DCLK1: variants seen among roughly 807,000 people sequenced by gnomAD.
DCLK1 encodes doublecortin like kinase 1.
Under a neutral mutation model 86.2 loss-of-function variants are expected in DCLK1, and 16 were observed. The ratio of observed to expected loss-of-function variants is 0.19; its 90% CI spans 0.13 to 0.28. The LOEUF is 0.28. DCLK1 is among the 10% of genes least tolerant of loss of function. The pLI is 1.00. For synonymous variants in DCLK1, 369 were observed against 370.5 expected (o/e 1.00, Z 0.05); for missense variants, 590 against 940.2 (o/e 0.63, Z 4.87).
At chr13:36,081,736 T>C (rs139123292) in intron 3 of DCLK1, among the ~76,000 whole-genome samples, 79 of 152,316 alleles carry the variant, frequency 5.2e-4, no homozygotes, top group Admixed American at 9.8e-4. Context: ...ATTGCTTGAA[T>C]ATGCTCTCTA....
intron 4 of DCLK1, among the ~76,000 whole-genome samples, chr13:35,906,101 T>C (rs1874675932): frequency 6.6e-6 from 1 of 152,210 alleles, no homozygotes; most frequent in Non-Finnish European, 1.5e-5. Context: ...CCCACATTGC[T>C]AGCTTCCAGG....
At chr13:35,918,724 TA>T (rs1380129006) in intron 4 of DCLK1, among the ~76,000 whole-genome samples, 1 of 152,102 alleles carries the variant, frequency 6.6e-6, no homozygotes, top group Non-Finnish European at 1.5e-5. Flanking sequence ...AAATGGGCAC[TA>T]ATCATGACTG....
chr13:35,947,323 A>G (rs1936003), intron 4 of DCLK1, 35 bp downstream of exon 4: 998,929 of 1,588,146 alleles, frequency 0.63, 324,889 homozygotes, highest in Non-Finnish European at 0.66. Flanking sequence ...AGCTGCCTCA[A>G]ATTTCCCCTG....
At chr13:35,805,519 G>A in intron 15 of DCLK1, 180 bp downstream of exon 15, 2 of 536,862 alleles carry the variant, frequency 3.7e-6, no homozygotes, top group South Asian at 6.2e-5. Flanking sequence ...AGCTGTCCTC[G>A]AACTCCTGAG....
rs145153623 is a variant in DCLK1 at position 35,816,943 on chromosome 13, G to A, written c.1554+5786C>T. Among the ~76,000 whole-genome samples the A allele has an allele frequency of 2.6e-3, 391 of 152,234 alleles. 9 individuals carry two copies. The highest frequency in any genetic ancestry group is 0.014 in the Admixed American group (207 of 15,284). ...TCACAAGGCACACATGTTATTGAAG[G>A]TTTTGGTTATATATTACCAAATTGC... On this transcript the variant is annotated intron_variant, in intron 11 of 16. Coordinates refer to ENST00000360631, the MANE Select transcript of DCLK1 (RefSeq NM_001330071.2).
intron 4 of DCLK1, among the ~76,000 whole-genome samples, chr13:35,917,954 C>G (rs1014274195): frequency 6.6e-6 from 1 of 152,150 alleles, no homozygotes; most frequent in African/African-American, 2.4e-5. Context: ...GAGCCGCCAG[C>G]TCATGCCCCT....
intron 16 of DCLK1, among the ~76,000 whole-genome samples, chr13:35,789,232 T>C (rs931640148): frequency 6.6e-6 from 1 of 152,164 alleles, no homozygotes; most frequent in Non-Finnish European, 1.5e-5. Flanking sequence ...GCGTTACTGG[T>C]ATGATGCTGA....
At chr13:35,775,542 T>A (rs1412278451) in intron 16 of DCLK1, among the ~76,000 whole-genome samples, 1 of 152,086 alleles carries the variant, frequency 6.6e-6, no homozygotes, top group Admixed American at 6.6e-5. Context: ...CATCACAGAT[T>A]TAATGGGTGT....
intron 3 of DCLK1, among the ~76,000 whole-genome samples, chr13:36,077,952 A>G (rs1448047333): frequency 6.6e-6 from 1 of 152,180 alleles, no homozygotes; most frequent in Non-Finnish European, 1.5e-5. Context: ...TTTTCTCACT[A>G]ACCAGTAATT....
At chr13:35,861,312 T>A (rs963136144) in intron 5 of DCLK1, among the ~76,000 whole-genome samples, 3 of 152,124 alleles carry the variant, frequency 2.0e-5, no homozygotes, top group Non-Finnish European at 4.4e-5. Context: ...AATTTTTGGA[T>A]CTGATCCCTA....
At chr13:35,861,105 C>A (rs749618944) in intron 5 of DCLK1, among the ~76,000 whole-genome samples, 7 of 152,148 alleles carry the variant, frequency 4.6e-5, no homozygotes, top group Non-Finnish European at 1.0e-4. Flanking sequence ...GCAGGTTGGA[C>A]ATTGGTGCCC....
intron 2 of DCLK1, among the ~76,000 whole-genome samples, chr13:36,117,190 T>C (rs1885820800): frequency 6.6e-6 from 1 of 152,132 alleles, no homozygotes; most frequent in Non-Finnish European, 1.5e-5. Flanking sequence ...GATCTAAACT[T>C]TTTGAAATTG....
At chr13:35,965,040 T>C (rs78773973) in intron 3 of DCLK1, among the ~76,000 whole-genome samples, 639 of 152,290 alleles carry the variant, frequency 4.2e-3, no homozygotes, top group Middle Eastern at 0.01. Flanking sequence ...ACTTAAGCCA[T>C]AACTTAAGTT....
chr13:36,071,713 C>G (rs1485967577), intron 3 of DCLK1, among the ~76,000 whole-genome samples: 2 of 152,162 alleles, frequency 1.3e-5, no homozygotes, highest in Non-Finnish European at 2.9e-5. Context: ...CTAAGAAACA[C>G]TAAAGAATTT....
intron 16 of DCLK1, among the ~76,000 whole-genome samples, chr13:35,786,311 A>G (rs2086620156): frequency 6.6e-6 from 1 of 152,262 alleles, no homozygotes; most frequent in South Asian, 2.1e-4. Flanking sequence ...ATGCACAACT[A>G]TAATTAGATA....
intron 3 of DCLK1, among the ~76,000 whole-genome samples, chr13:36,039,580 T>C (rs1335499727): frequency 1.3e-5 from 2 of 152,144 alleles, no homozygotes; most frequent in Non-Finnish European, 2.9e-5. Context: ...GTCAATTTTC[T>C]TGGTAAAATG....
chr13:35,827,116 T>C (rs1868537726), intron 10 of DCLK1, among the ~76,000 whole-genome samples: 1 of 152,232 alleles, frequency 6.6e-6, no homozygotes, highest in Non-Finnish European at 1.5e-5. Context: ...TAATATTATG[T>C]GACAGGATGA....
chr13:35,933,892 T>C, intron 4 of DCLK1, among the ~76,000 whole-genome samples: 1 of 152,224 alleles, frequency 6.6e-6, no homozygotes, highest in East Asian at 1.9e-4. Flanking sequence ...CCTCAGAAAA[T>C]GATAGTTCCT....
rs564721381 is a variant in DCLK1, at chr13:35,959,403, C to G, written c.724-11946G>C. ...GGCGATCACTGGCCATTAACACAGG[C>G]AGACAGTAGGAAATTGATGGGGACT... On this transcript the variant is annotated intron_variant, in intron 3 of 16. Transcript: ENST00000360631. Among the ~76,000 whole-genome samples the G allele has an allele frequency of 2.0e-5, 3 of 152,100 alleles. No homozygotes were observed. The South Asian group carries it at 6.2e-4, about 32-fold the overall frequency.
Sources: gnomAD v4.1 joint callset for allele counts (sites outside exome capture counted in the v4.1 genomes callset) on GRCh38, gnomAD v4.1.1 for gene constraint, MANE v1.5 for transcripts, NCBI Gene and HGNC (gene_info 2026-07-23, HGNC 2026-07-21) for gene names.